NTRK2: variants seen among roughly 807,000 people sequenced by gnomAD.
NTRK2 encodes neurotrophic receptor tyrosine kinase 2, also known as BDNF/NT-3 growth factors receptor.
In NTRK2, 13 loss-of-function variants were observed where a neutral mutation model predicts 94.5. The observed-to-expected ratio is 0.14, with a 90% CI of 0.09 to 0.22. NTRK2 has a LOEUF of 0.22. NTRK2 is among the 10% of genes least tolerant of loss of function. The pLI is 1.00. For synonymous variants in NTRK2, 372 were observed against 407.4 expected (o/e 0.91, Z 1.05); for missense variants, 639 against 1,071.2 (o/e 0.60, Z 5.63).
chr9:84,742,789 GTTTTTTTTTTTTT>G (rs757253032), intron 10 of NTRK2, among the ~76,000 whole-genome samples: 2,751 of 103,730 alleles, frequency 0.027, 138 homozygotes, highest in African/African-American at 0.1. Flanking sequence ...CATTATATTA[GTTTTTTTTTTTTT>G]TTTTTTTTTT....
intron 12 of NTRK2, among the ~76,000 whole-genome samples, chr9:84,846,832 A>G (rs959968945): frequency 6.6e-6 from 1 of 152,224 alleles, no homozygotes; most frequent in African/African-American, 2.4e-5. Flanking sequence ...ATCTCCATTT[A>G]TCTAGTACCC....
At chr9:84,945,404 G>T (rs542200243) in intron 15 of NTRK2, among the ~76,000 whole-genome samples, 2 of 152,116 alleles carry the variant, frequency 1.3e-5, no homozygotes, top group Non-Finnish European at 2.9e-5. Context: ...ACACCATTAC[G>T]CAAGTGCAAG....
chr9:84,838,597 A>G (rs2074005992), intron 12 of NTRK2, among the ~76,000 whole-genome samples: 1 of 152,150 alleles, frequency 6.6e-6, no homozygotes, highest in Non-Finnish European at 1.5e-5. Context: ...CAAATTTTCT[A>G]CAAAAAGCAA....
chr9:84,789,545 A>G (rs2068506702), intron 12 of NTRK2, among the ~76,000 whole-genome samples: 2 of 152,198 alleles, frequency 1.3e-5, no homozygotes, highest in African/African-American at 4.8e-5. Flanking sequence ...GGGGAGTCCA[A>G]GGCTGCCTAG....
intron 12 of NTRK2, among the ~76,000 whole-genome samples, chr9:84,758,931 TG>T (rs1220075672): frequency 6.6e-6 from 1 of 152,222 alleles, no homozygotes; most frequent in African/African-American, 2.4e-5. Flanking sequence ...TCTTATAGCA[TG>T]GGAATATAAA....
intron 15 of NTRK2, among the ~76,000 whole-genome samples, chr9:84,940,936 A>G (rs532394734): frequency 7.9e-5 from 12 of 152,274 alleles, no homozygotes; most frequent in Middle Eastern, 3.4e-3. Flanking sequence ...CCTCCTTCCC[A>G]TGTTTCCACT....
intron 12 of NTRK2, among the ~76,000 whole-genome samples, chr9:84,797,667 TTATATATTATATATACTATAATA>T (rs2069623738): frequency 1.3e-5 from 1 of 74,792 alleles, no homozygotes; most frequent in Non-Finnish European, 2.2e-5. Context: ...ATATTATATA[TTATATATTATATATACTATAATA>T]TATATATTAT....
At chr9:84,810,490 C>A in intron 12 of NTRK2, 1 of 1,521,134 alleles carries the variant, frequency 6.6e-7, no homozygotes, top group South Asian at 1.1e-5. Flanking sequence ...TGTTAATTTT[C>A]ATTGATTTTT....
intron 15 of NTRK2, among the ~76,000 whole-genome samples, chr9:84,944,865 A>G (rs543595740): frequency 1.3e-3 from 195 of 152,366 alleles, no homozygotes; most frequent in African/African-American, 4.6e-3. Context: ...TACCAAGGAA[A>G]ACATCCCAAC....
At chr9:84,937,164 G>A (rs1360677736) in intron 15 of NTRK2, among the ~76,000 whole-genome samples, 1 of 152,152 alleles carries the variant, frequency 6.6e-6, no homozygotes, top group Non-Finnish European at 1.5e-5. Context: ...ACAATGAAGG[G>A]ATTTTTTAAA....
At chr9:84,797,809 AT>A (rs2069754540) in intron 12 of NTRK2, among the ~76,000 whole-genome samples, 1 of 74,280 alleles carries the variant, frequency 1.3e-5, no homozygotes, top group Admixed American at 2.8e-4. Flanking sequence ...TAATATATAT[AT>A]TATATATTAT....
chr9:84,870,320 G>GGTGT (rs369162349), intron 14 of NTRK2, among the ~76,000 whole-genome samples: 1,877 of 46,132 alleles, frequency 0.041, 209 homozygotes, highest in Middle Eastern at 0.086. Context: ...ATATATGTGG[G>GGTGT]GTGTGTGTGT....
intron 13 of NTRK2, 120 bp from the exon 14 acceptor site, chr9:84,867,123 C>G: frequency 5.5e-6 from 5 of 907,746 alleles, no homozygotes; most frequent in Non-Finnish European, 8.7e-6. Context: ...TTGTACTACT[C>G]TGTGAATATA....
intron 17 of NTRK2, among the ~76,000 whole-genome samples, chr9:85,000,716 G>A (rs1287679150): frequency 1.3e-5 from 2 of 152,358 alleles, no homozygotes; most frequent in Admixed American, 6.5e-5. Flanking sequence ...TAAAGCGGGT[G>A]TAGACATTCA....
At chr9:84,820,088 G>A (rs771983562) in intron 12 of NTRK2, among the ~76,000 whole-genome samples, 2 of 151,770 alleles carry the variant, frequency 1.3e-5, no homozygotes, top group Admixed American at 1.3e-4. Flanking sequence ...CCAATCCCCT[G>A]CACATTTGAA....
At position 85,023,758 on chromosome 9, in the gene NTRK2, T is replaced by A; in HGVS notation, c.*2321T>A. 8.7e-6 allele frequency: 2 copies of A among 231,206 alleles called. No homozygotes were observed. The highest frequency in any genetic ancestry group is 1.7e-5 in the Non-Finnish European group (2 of 116,844). 14.3% of individuals were successfully genotyped at this position (231,206 alleles called of 1,614,324 possible). On this transcript the variant is annotated 3_prime_UTR_variant, in exon 19 of 19. Coordinates refer to ENST00000277120, the MANE Select transcript of NTRK2 (RefSeq NM_006180.6). ...TGACGCAGTAAGGAAGGGGCAGATT[T>A]GTACAAAAACTTTTCTAGATTCCAT...
At chr9:84,703,004 C>G (rs925967087) in intron 4 of NTRK2, among the ~76,000 whole-genome samples, 1 of 152,126 alleles carries the variant, frequency 6.6e-6, no homozygotes, top group Non-Finnish European at 1.5e-5. Flanking sequence ...TGAAGTCAAA[C>G]GGAAATATGG....
chr9:85,020,474 G>A (rs1832688330), intron 18 of NTRK2, 110 bp downstream of exon 18: 1 of 1,137,252 alleles, frequency 8.8e-7, no homozygotes, highest in Non-Finnish European at 1.3e-6. Context: ...CGATCTTATG[G>A]GCTTTGTTGG....
intron 12 of NTRK2, among the ~76,000 whole-genome samples, chr9:84,823,244 A>G (rs1036914): frequency 0.35 from 52,774 of 152,112 alleles, 9,740 homozygotes; most frequent in African/African-American, 0.48. Context: ...CCTACATACT[A>G]AAACCACGAG....
Sources: allele counts gnomAD v4.1 joint callset (sites outside exome capture counted in the v4.1 genomes callset), GRCh38; gene constraint gnomAD v4.1.1; transcripts MANE v1.5; gene names NCBI Gene and HGNC (gene_info 2026-07-23, HGNC 2026-07-21).